The following ACOX2 variants were observed in gnomAD, a reference collection of about 807,000 sequenced individuals.
The protein encoded by ACOX2 is peroxisomal acyl-coenzyme A oxidase 2.
In ACOX2, 59 loss-of-function variants were observed where a neutral mutation model predicts 77.5. That is an observed-to-expected ratio of 0.76 (90% CI 0.62 to 0.95). The LOEUF is 0.95. Ranked by LOEUF, ACOX2 falls within the 40% of genes least tolerant of loss-of-function variation. The pLI is 0.00. For synonymous variants in ACOX2, 317 were observed against 340.1 expected, an observed-to-expected ratio of 0.93 and a Z score of 0.75; for missense variants, 837 against 880.4, an observed-to-expected ratio of 0.95 and a Z score of 0.62.
rs1195816661 is a variant in ACOX2 at position 58,524,719 on chromosome 3, G to A, written c.1347-114C>T. 1.7e-6 allele frequency: 2 copies of A among 1,210,968 alleles called. No individual in the cohort carries two copies. Among genetic ancestry groups the A allele is most frequent in the Non-Finnish European group, 2.3e-6 (2 of 876,986 alleles). The allele number at this position is 1,210,968 out of a possible 1,614,324, so 75.0% of individuals were successfully genotyped here. A position where few individuals can be genotyped will look rare whatever the true frequency, so the allele number is the denominator to read the frequency against. On this transcript the variant is annotated intron_variant, in intron 10 of 14. Coordinates refer to ENST00000302819, the MANE Select transcript of ACOX2 (RefSeq NM_003500.4). This position sits in a 1 kb window ranked among gnomAD's most constrained non-coding sequence, Gnocchi z 5.5. ...GCTAGGTTCCAGCCTTCCCGTGGGA[G>A]AGCCAGGTCACCAGGCCTCTGCCTG... is the stretch of plus-strand genomic sequence containing the variant.
Position 58,531,872 on chromosome 3 carries a change from C to A in ACOX2, c.584-60G>T, listed in dbSNP as rs1003615298. On this transcript the variant is annotated intron_variant, in intron 5 of 14. Transcript: ENST00000302819. The surrounding 1 kb of genome is among the most constrained non-coding windows in gnomAD (Gnocchi z 5.8). The stretch of plus-strand genomic sequence containing the variant: ...AGACCTGTGCATTGCTTTTCCCAAC[C>A]AACCCAGCCTCCTGGGGCTGGGGTT... The A allele has an allele frequency of 6.4e-7, 1 of 1,550,864 alleles. No homozygotes were observed. Among genetic ancestry groups the A allele is most frequent in the South Asian group, 1.2e-5 (1 of 81,724 alleles).
In ACOX2 at chr3:58,531,606, T is replaced by C. The variant is rs2063440099; in HGVS notation, c.703+87A>G. ...CCCAAGGGAGACATGTCTTAGCTAC[T>C]CCTGTGGCCCTCTGGGGCCCCAGGT... is the stretch of plus-strand genomic sequence containing the variant. On this transcript the variant is annotated intron_variant, in intron 6 of 14. Transcript: ENST00000302819. This position sits in a 1 kb window ranked among gnomAD's most constrained non-coding sequence, Gnocchi z 5.8. 6.5e-7 allele frequency: 1 copy of C among 1,547,128 alleles called. No homozygotes were observed. The highest frequency in any genetic ancestry group is 2.3e-5 in the East Asian group (1 of 44,438).
intron 13 of ACOX2, among the ~76,000 whole-genome samples, chr3:58,510,027 G>A (rs2063266640): frequency 6.6e-6 from 1 of 152,076 alleles, no homozygotes; most frequent in Admixed American, 6.6e-5. Context: ...CATTCAAAAG[G>A]TAAAGATTTA....
chr3:58,531,045 G>A lies in ACOX2; in HGVS notation c.819+206C>T, dbSNP rs1220578053. On this transcript the variant is annotated intron_variant, in intron 7 of 14. Coordinates refer to ENST00000302819, the MANE Select transcript of ACOX2 (RefSeq NM_003500.4). The surrounding 1 kb of genome is among the most constrained non-coding windows in gnomAD (Gnocchi z 5.8). ...GTCAGCCTATGTGACGAGCATTTCT[G>A]CATGAGAGGTCTGAGGCTCTGTGCC... Among the ~76,000 whole-genome samples the A allele has an allele frequency of 1.3e-5, 2 of 152,198 alleles. No homozygotes were observed. Among genetic ancestry groups the A allele is most frequent in the African/African-American group, 4.8e-5 (2 of 41,452 alleles).
At chr3:58,530,661 C>G (rs1280179784) in intron 7 of ACOX2, 23 bp from the exon 8 acceptor site, 1 of 1,607,766 alleles carries the variant, frequency 6.2e-7, no homozygotes, top group Non-Finnish European at 8.5e-7. Flanking sequence ...AGGACGGGCA[C>G]AAGTTCTGGG....
rs71625626 is a variant in ACOX2 at position 58,527,536 on chromosome 3, G to GAAAAAA, written c.1156-886_1156-881dup. On this transcript the variant is annotated intron_variant, in intron 9 of 14. Transcript: ENST00000302819. ...GGGTGACAGAGTGAGACTGTCTCAG[G>GAAAAAA]AAAAAAAAAAAAAAGAAAGAAAGAG... 1.4e-3 allele frequency among the ~76,000 whole-genome samples: 153 copies of GAAAAAA among 107,638 alleles called. 3 individuals are homozygous for GAAAAAA. Among genetic ancestry groups the GAAAAAA allele is most frequent in the African/African-American group, 6.0e-3 (131 of 21,668 alleles). 70.6% of individuals were successfully genotyped at this position (107,638 alleles called of 152,430 possible).
Position 58,534,799 on chromosome 3 carries a change from T to C in ACOX2, c.160+148A>G. 7.1e-7 allele frequency: 1 copy of C among 1,411,116 alleles called. No homozygotes were observed. The highest frequency in any genetic ancestry group is 9.8e-7 in the Non-Finnish European group (1 of 1,016,858). The allele number at this position is 1,411,116 out of a possible 1,614,324, so 87.4% of individuals were successfully genotyped here. A position where few individuals can be genotyped will look rare whatever the true frequency, so the allele number is the denominator to read the frequency against. On this transcript the variant is annotated intron_variant, in intron 2 of 14. Coordinates refer to ENST00000302819, the MANE Select transcript of ACOX2 (RefSeq NM_003500.4). This position sits in a 1 kb window ranked among gnomAD's most constrained non-coding sequence, Gnocchi z 4.8. ...AGGCAATATTGACATGTGAAGATTG[T>C]CTTTACAGTTCGAAGGAATGAATCT...
chr3:58,532,022 GC>G (rs370759343), intron 5 of ACOX2, among the ~76,000 whole-genome samples: 19 of 150,310 alleles, frequency 1.3e-4, no homozygotes, highest in East Asian at 3.9e-4. Context: ...CTTTTTTTTT[GC>G]CCCCCCCAAC....
chr3:58,511,660 C>T (rs1428106370), intron 13 of ACOX2: 1 of 152,448 alleles, frequency 6.6e-6, no homozygotes, highest in Non-Finnish European at 1.5e-5. Flanking sequence ...AGATCAAGTT[C>T]AAAGAAAGGT....
At chr3:58,529,922 T>A (rs1197604820) in intron 8 of ACOX2, among the ~76,000 whole-genome samples, 1 of 152,078 alleles carries the variant, frequency 6.6e-6, no homozygotes, top group African/African-American at 2.4e-5. Context: ...GAGGGAGTGG[T>A]AGCAACACAA....
At chr3:58,520,326 CTG>C (rs2063350196) in intron 12 of ACOX2, among the ~76,000 whole-genome samples, 1 of 152,236 alleles carries the variant, frequency 6.6e-6, no homozygotes, top group Non-Finnish European at 1.5e-5. Flanking sequence ...ATTCCTAACC[CTG>C]TGTGGCCAAA....
At chr3:58,517,616 G>C (rs565175247) in intron 12 of ACOX2, among the ~76,000 whole-genome samples, 193 bp from the exon 13 acceptor site, 2 of 148,998 alleles carry the variant, frequency 1.3e-5, no homozygotes, top group Admixed American at 6.6e-5. Context: ...TGTGTGTTGG[G>C]GGGGGGAGCG....
At chr3:58,527,159 G>A (rs1197537230) in intron 9 of ACOX2, among the ~76,000 whole-genome samples, 1 of 152,122 alleles carries the variant, frequency 6.6e-6, no homozygotes, top group African/African-American at 2.4e-5. Context: ...GAGGTATTAT[G>A]ATGGTAGTAG....
chr3:58,517,277 A>T lies in ACOX2; in HGVS notation c.1779T>A (p.His593Gln), dbSNP rs1576990901. The change falls in exon 13 of 15, where the codon CAT (histidine) becomes CAA (glutamine). Residue 593 changes from histidine to glutamine, a missense_variant. Transcript: ENST00000302819. ...GILTNSGDFLHDAFLSGAQVD... is the reference protein window; with the variant it reads ...GILTNSGDFLQDAFLSGAQVD... ...CTTGGGCACCAGACAGGAAGGCGTCATGGAGAAAGTCACCCGAGTTAGTCA... is the reference window on the plus strand; with the variant it reads ...CTTGGGCACCAGACAGGAAGGCGTCTTGGAGAAAGTCACCCGAGTTAGTCA... The T allele has an allele frequency of 1.2e-6, 2 of 1,614,210 alleles. No individual in the cohort carries two copies. Among genetic ancestry groups the T allele is most frequent in the Middle Eastern group, 1.6e-4 (1 of 6,062 alleles).
intron 13 of ACOX2, among the ~76,000 whole-genome samples, chr3:58,509,254 G>C (rs762782621): frequency 1.3e-5 from 2 of 152,118 alleles, no homozygotes; most frequent in African/African-American, 4.8e-5. Context: ...CCGGCCATGC[G>C]TGGTGGCTCA....
rs1400373469 is a variant in ACOX2, at chr3:58,514,475, A to T, written c.1850+2731T>A. 6.6e-6 allele frequency among the ~76,000 whole-genome samples: 1 copy of T among 152,222 alleles called. No homozygotes were observed. Among genetic ancestry groups the T allele is most frequent in the African/African-American group, 2.4e-5 (1 of 41,452 alleles). On this transcript the variant is annotated intron_variant, in intron 13 of 14. Transcript: ENST00000302819. The surrounding 1 kb of genome is among the most constrained non-coding windows in gnomAD (Gnocchi z 4.3). ...ACATTGCAGAGAGCTTGTTCTTGGC[A>T]TCCATAGCATACTATGCCGCCCTTC...
In ACOX2 at chr3:58,524,908, G is replaced by T. The variant is rs2063383963; in HGVS notation, c.1347-303C>A. Among the ~76,000 whole-genome samples, 1 of 152,180 alleles carries T rather than the reference G, an allele frequency of 6.6e-6. No homozygotes were observed. The highest frequency in any genetic ancestry group is 2.1e-4 in the South Asian group (1 of 4,834). On this transcript the variant is annotated intron_variant, in intron 10 of 14. Coordinates refer to ENST00000302819, the MANE Select transcript of ACOX2 (RefSeq NM_003500.4). The surrounding 1 kb of genome is among the most constrained non-coding windows in gnomAD (Gnocchi z 5.5). ...TTCCATCAGAACACTGTGATTTTGG[G>T]ATTTATAATGACTTGTACAGTGACT...
rs1294046487 is a variant in ACOX2 at position 58,529,019 on chromosome 3, C to T, written c.993-63G>A. On this transcript the variant is annotated intron_variant, in intron 8 of 14. Transcript: ENST00000302819. ...TGTTGTGTCCACCTTCCCCTATCCC[C>T]GACACCATAAAAACCTTAAAAACAG... The T allele has an allele frequency of 2.7e-5, 39 of 1,470,580 alleles. No individual in the cohort carries two copies. The East Asian group carries it at 3.1e-4, about 12-fold the overall frequency. The allele number at this position is 1,470,580 out of a possible 1,614,324, so 91.1% of individuals were successfully genotyped here. A position where few individuals can be genotyped will look rare whatever the true frequency, so the allele number is the denominator to read the frequency against.
chr3:58,535,132 A>G lies in ACOX2; in HGVS notation c.-26T>C, dbSNP rs4681862. On this transcript the variant is annotated 5_prime_UTR_variant, in exon 2 of 15. The change abolishes the stop of an existing upstream ORF in the 5' untranslated region. Coordinates refer to ENST00000302819, the MANE Select transcript of ACOX2 (RefSeq NM_003500.4). This position sits in a 1 kb window ranked among gnomAD's most constrained non-coding sequence, Gnocchi z 4.8. The stretch of plus-strand genomic sequence containing the variant: ...CCTATCCTGGATCTGTCTGGTGACT[A>G]TGGAGAGACACTTCCAACCCGGCTG... 0.92 allele frequency: 1,490,792 copies of G among 1,613,988 alleles called. 691,793 individuals are homozygous for G. The highest frequency in any genetic ancestry group is 1 in the East Asian group (44,870 of 44,878).
Sources: allele counts gnomAD v4.1 joint callset (sites outside exome capture counted in the v4.1 genomes callset), GRCh38; gene constraint gnomAD v4.1.1; non-coding constraint Gnocchi (gnomAD v3.1); transcripts MANE v1.5; gene names NCBI Gene and HGNC (gene_info 2026-07-23, HGNC 2026-07-21).